Variants in CACNA2D3 observed in about 807,000 individuals in gnomAD.
The protein encoded by CACNA2D3 is voltage-dependent calcium channel subunit alpha-2/delta-3.
Under a neutral mutation model 160.6 loss-of-function variants are expected in CACNA2D3, and 60 were observed. The ratio of observed to expected loss-of-function variants is 0.37; its 90% CI spans 0.30 to 0.46. The LOEUF (loss-of-function observed/expected upper bound fraction) is 0.46, where lower values mean the gene tolerates loss of function less well. CACNA2D3 is among the 20% of genes least tolerant of loss of function. The pLI is 1.00. For synonymous variants in CACNA2D3, 558 were observed against 492.9 expected (o/e 1.13, Z -1.75); for missense variants, 1,205 against 1,365.0 (o/e 0.88, Z 1.85).
intron 29 of CACNA2D3, among the ~76,000 whole-genome samples, chr3:54,981,066 C>T (rs1702495895): frequency 6.6e-6 from 1 of 152,178 alleles, no homozygotes; most frequent in Admixed American, 6.5e-5. Flanking sequence ...GACTCATTCC[C>T]TAAACCAGGA....
In CACNA2D3 at chr3:54,987,466, C is replaced by T. The variant is rs183903496; in HGVS notation, c.2620-217C>T. Among the ~76,000 whole-genome samples, 7 of 152,272 alleles carry T rather than the reference C, an allele frequency of 4.6e-5. No individual in the cohort carries two copies. The East Asian group carries it at 1.2e-3, about 25-fold the overall frequency. ...TCAGCATTCAGCATGGGTTACGCAG[C>T]CCCCTCCCACGTACTGTGGAAGCAT... On this transcript the variant is annotated intron_variant, in intron 30 of 37. Coordinates refer to ENST00000474759, the MANE Select transcript of CACNA2D3 (RefSeq NM_018398.3).
chr3:54,510,211 G>GGAATGGATGGATGGATGGATGGAT (rs1701438466), intron 5 of CACNA2D3, among the ~76,000 whole-genome samples: 1 of 151,366 alleles, frequency 6.6e-6, no homozygotes, highest in Non-Finnish European at 1.5e-5. Flanking sequence ...GGTAGGTGGG[G>GGAATGGATGGATGGATGGATGGAT]GAATGGATGG....
At chr3:55,065,279 AT>A (rs944451413) in intron 35 of CACNA2D3, among the ~76,000 whole-genome samples, 1 of 152,034 alleles carries the variant, frequency 6.6e-6, no homozygotes, top group Admixed American at 6.6e-5. Context: ...TCAAGTGGGG[AT>A]TTTTTGTAGT....
intron 4 of CACNA2D3, among the ~76,000 whole-genome samples, chr3:54,480,531 G>C (rs1304789305): frequency 1.3e-5 from 2 of 152,104 alleles, no homozygotes; most frequent in Non-Finnish European, 2.9e-5. Context: ...TGAAATGAGG[G>C]TTTTATGATA....
chr3:54,856,510 T>TGAACACCTG (rs1699174407), intron 17 of CACNA2D3, among the ~76,000 whole-genome samples: 3 of 152,308 alleles, frequency 2.0e-5, no homozygotes, highest in Admixed American at 2.0e-4. Context: ...ATTTGTCTGT[T>TGAACACCTG]GAACACCTGT....
chr3:54,600,161 G>A (rs1703035994), intron 9 of CACNA2D3, among the ~76,000 whole-genome samples: 1 of 152,180 alleles, frequency 6.6e-6, no homozygotes, highest in African/African-American at 2.4e-5. Context: ...ATGGGGTTGG[G>A]GGAGATGAAA....
At chr3:54,613,791 A>T (rs1228105736) in intron 9 of CACNA2D3, among the ~76,000 whole-genome samples, 2 of 152,078 alleles carry the variant, frequency 1.3e-5, no homozygotes, top group Admixed American at 1.3e-4. Context: ...TTATTTGTGT[A>T]TGCTCTGTTT....
At chr3:54,327,467 G>A (rs1704142759) in intron 3 of CACNA2D3, among the ~76,000 whole-genome samples, 1 of 152,142 alleles carries the variant, frequency 6.6e-6, no homozygotes, top group African/African-American at 2.4e-5. Flanking sequence ...TTTGTGGGTA[G>A]AACCATTGCA....
At position 55,058,653 on chromosome 3, in the gene CACNA2D3, A is replaced by T. The variant is rs74539795; in HGVS notation, c.2988-14792A>T. On this transcript the variant is annotated intron_variant, in intron 35 of 37. Transcript: ENST00000474759. Reference sequence around the variant, plus strand: ...TGTTTTTTTTAAATAGAAAGTTATTATTCCATGGTTCTTGGTGCTTATTAA... The same window carrying T: ...TGTTTTTTTTAAATAGAAAGTTATTTTTCCATGGTTCTTGGTGCTTATTAA... Among the ~76,000 whole-genome samples, 47 of 152,286 alleles carry T rather than the reference A, an allele frequency of 3.1e-4. No individual in the cohort carries two copies. In the East Asian group the frequency reaches 6.4e-3, roughly 21 times the overall value.
intron 13 of CACNA2D3, among the ~76,000 whole-genome samples, chr3:54,771,466 A>G (rs1702320701): frequency 6.6e-6 from 1 of 152,154 alleles, no homozygotes. Flanking sequence ...GGCCTCTTCT[A>G]AGCTCATTCA....
intron 3 of CACNA2D3, among the ~76,000 whole-genome samples, chr3:54,374,658 C>T (rs888698291): frequency 1.3e-5 from 2 of 152,192 alleles, no homozygotes; most frequent in African/African-American, 4.8e-5. Context: ...CCCCTGGAGG[C>T]AGTACCAGGT....
intron 11 of CACNA2D3, among the ~76,000 whole-genome samples, chr3:54,689,392 T>C (rs1700530651): frequency 1.3e-5 from 2 of 152,152 alleles, no homozygotes; most frequent in Non-Finnish European, 2.9e-5. Flanking sequence ...TTTCTTTCAA[T>C]TCCATCTACA....
chr3:54,952,115 G>A (rs1199455575), intron 27 of CACNA2D3, among the ~76,000 whole-genome samples: 1 of 152,166 alleles, frequency 6.6e-6, no homozygotes, highest in African/African-American at 2.4e-5. Flanking sequence ...CAAAGTGCTG[G>A]GATTACACAT....
chr3:54,837,138 T>C, intron 14 of CACNA2D3, 21 bp from the exon 15 acceptor site: 3 of 1,612,622 alleles, frequency 1.9e-6, no homozygotes, highest in Non-Finnish European at 2.5e-6. Flanking sequence ...CCCCGGTAAC[T>C]GGCTTTTCTC....
chr3:55,036,852 T>G (rs138065703), intron 35 of CACNA2D3, among the ~76,000 whole-genome samples: 1,959 of 152,316 alleles, frequency 0.013, 21 homozygotes, highest in Middle Eastern at 0.024. Flanking sequence ...ATTCTTTTTC[T>G]TTCAGAATAT....
At chr3:54,770,077 C>G (rs567971246) in intron 13 of CACNA2D3, among the ~76,000 whole-genome samples, 1 of 152,132 alleles carries the variant, frequency 6.6e-6, no homozygotes, top group South Asian at 2.1e-4. Context: ...CCATTTGCCC[C>G]GAAAATACTT....
chr3:54,764,447 T>C, intron 13 of CACNA2D3, 96 bp downstream of exon 13: 1 of 1,435,380 alleles, frequency 7.0e-7, no homozygotes, highest in South Asian at 1.3e-5. Flanking sequence ...CTCTTATTTT[T>C]TGTGTTCAGT....
intron 11 of CACNA2D3, among the ~76,000 whole-genome samples, chr3:54,691,603 A>G (rs1023158338): frequency 1.2e-4 from 19 of 152,214 alleles, no homozygotes; most frequent in African/African-American, 4.6e-4. Context: ...TTAGAAAGAA[A>G]AGTAATTATA....
intron 11 of CACNA2D3, among the ~76,000 whole-genome samples, chr3:54,676,404 G>A (rs188781433): frequency 2.0e-5 from 3 of 152,206 alleles, no homozygotes; most frequent in Non-Finnish European, 2.9e-5. Flanking sequence ...CCTGGGTCTC[G>A]GTAAGACCTC....
Sources: allele counts gnomAD v4.1 joint callset (sites outside exome capture counted in the v4.1 genomes callset), GRCh38; gene constraint gnomAD v4.1.1; transcripts MANE v1.5; gene names NCBI Gene and HGNC (gene_info 2026-07-23, HGNC 2026-07-21).